The following DMD variants were observed in gnomAD, a reference collection of about 807,000 sequenced individuals.
DMD encodes dystrophin, also known as mutant dystrophin.
In DMD, 63 loss-of-function variants were observed where a neutral mutation model predicts 330.1. The observed-to-expected ratio is 0.19, with a 90% confidence interval of 0.16 to 0.24. DMD has a LOEUF of 0.24. Ranked by LOEUF, DMD falls within the 10% of genes least tolerant of loss-of-function variation. The pLI, the probability that DMD is intolerant of heterozygous loss-of-function variation, is 1.00. For synonymous variants in DMD, 1,223 were observed against 959.8 expected (o/e 1.27, Z -5.07); for missense variants, 3,344 against 2,684.1 (o/e 1.25, Z -5.43).
intron 42 of DMD, among the ~76,000 whole-genome samples, chrX:32,294,032 A>T (rs1355871593): frequency 8.9e-6 from 1 of 111,941 alleles, no homozygotes; most frequent in Non-Finnish European, 1.9e-5. Context: ...TGATTAGGTC[A>T]GGTACCAGAA....
At chrX:32,536,758 T>A (rs978820677) in intron 17 of DMD, among the ~76,000 whole-genome samples, 1 of 111,931 alleles carries the variant, frequency 8.9e-6, no homozygotes, top group African/African-American at 3.2e-5. Context: ...CACTGGTATT[T>A]TTTTTAAAAA....
chrX:32,760,348 T>C (rs1433502420), intron 7 of DMD, among the ~76,000 whole-genome samples: 4 of 112,104 alleles, frequency 3.6e-5, no homozygotes, highest in African/African-American at 9.7e-5. Context: ...TAGTACCTCA[T>C]GATAAATGTT....
At chrX:32,822,560 TTATA>T (rs1311218880) in intron 5 of DMD, among the ~76,000 whole-genome samples, 2 of 110,663 alleles carry the variant, frequency 1.8e-5, no homozygotes, top group African/African-American at 6.6e-5. Flanking sequence ...CATGTTGGTC[TTATA>T]TATACATATA....
intron 2 of DMD, among the ~76,000 whole-genome samples, chrX:33,008,927 T>TATATATAC (rs2093474520): frequency 1.3e-5 from 1 of 74,861 alleles, no homozygotes; most frequent in East Asian, 6.2e-4. Context: ...TATATATACA[T>TATATATAC]GTATATATAC....
At chrX:32,682,166 C>G (rs2062473472) in intron 9 of DMD, among the ~76,000 whole-genome samples, 1 of 111,792 alleles carries the variant, frequency 8.9e-6, no homozygotes, top group African/African-American at 3.3e-5. Context: ...TCTACTTACT[C>G]AGTTTGTAAA....
intron 30 of DMD, among the ~76,000 whole-genome samples, chrX:32,405,652 T>C (rs2098113199): frequency 8.9e-6 from 1 of 111,902 alleles, no homozygotes; most frequent in African/African-American, 3.2e-5. Context: ...TTGGTTACTG[T>C]AGCCTTGTAG....
chrX:31,358,180 C>G (rs2148560513), intron 60 of DMD, among the ~76,000 whole-genome samples: 1 of 108,955 alleles, frequency 9.2e-6, no homozygotes, highest in Admixed American at 9.9e-5. Flanking sequence ...GCTCATAAGA[C>G]TTTCCTGAAC....
At chrX:33,074,561 T>G (rs1048948431) in intron 1 of DMD, among the ~76,000 whole-genome samples, 1 of 111,150 alleles carries the variant, frequency 9.0e-6, no homozygotes, top group Non-Finnish European at 1.9e-5. Flanking sequence ...TAAGAGGCAC[T>G]TGGATCATGA....
intron 43 of DMD, among the ~76,000 whole-genome samples, chrX:32,249,767 T>C (rs149350511): frequency 7.7e-4 from 86 of 111,551 alleles, no homozygotes; most frequent in Middle Eastern, 4.6e-3. Context: ...AAGTGGCTTT[T>C]ATTTCTTTCT....
At chrX:31,690,513 G>A (rs918921776) in intron 52 of DMD, among the ~76,000 whole-genome samples, 2 of 112,115 alleles carry the variant, frequency 1.8e-5, no homozygotes, top group African/African-American at 6.5e-5. Context: ...ACTTTACACT[G>A]TTAGTGAGAC....
intron 44 of DMD, among the ~76,000 whole-genome samples, chrX:32,181,508 T>A (rs1434100253): frequency 1.8e-5 from 2 of 111,965 alleles, no homozygotes; most frequent in Non-Finnish European, 3.8e-5. Flanking sequence ...TTTCAGTTGC[T>A]TAAGTGGAAA....
intron 76 of DMD, among the ~76,000 whole-genome samples, chrX:31,138,815 C>A (rs1056518124): frequency 4.5e-5 from 5 of 111,229 alleles, no homozygotes; most frequent in African/African-American, 9.9e-5. Context: ...TCCCCTGACA[C>A]GTGGGGATTA....
At chrX:31,966,061 A>G (rs1202290736) in intron 45 of DMD, among the ~76,000 whole-genome samples, 3 of 111,634 alleles carry the variant, frequency 2.7e-5, no homozygotes, top group African/African-American at 9.7e-5. Context: ...AATGTTAAAT[A>G]TTTCTAACCG....
intron 52 of DMD, among the ~76,000 whole-genome samples, chrX:31,690,997 T>C (rs1041883085): frequency 9.1e-6 from 1 of 110,168 alleles, no homozygotes; most frequent in South Asian, 4.0e-4. Flanking sequence ...AGGGATAGCA[T>C]TGGGAGATAT....
chrX:33,003,243 G>A (rs66770735), intron 2 of DMD, among the ~76,000 whole-genome samples: 18,292 of 110,821 alleles, frequency 0.17, 2,053 homozygotes, highest in African/African-American at 0.4. Context: ...GAGAACATAC[G>A]GTGTTTGGTT....
chrX:32,720,432 A>G (rs1174742821), intron 7 of DMD, among the ~76,000 whole-genome samples: 1 of 112,037 alleles, frequency 8.9e-6, no homozygotes, highest in African/African-American at 3.2e-5. Flanking sequence ...TCACATCCAA[A>G]TGAGCAAATT....
chrX:31,709,364 C>T (rs904611730), intron 52 of DMD, among the ~76,000 whole-genome samples: 6 of 111,630 alleles, frequency 5.4e-5, no homozygotes, highest in Admixed American at 1.9e-4. Flanking sequence ...GGGTCTTTAA[C>T]GAAGCTGTAC....
rs375731952 is a variant in DMD at position 33,139,933 on chromosome X, T to C, written c.31+71349A>G. 3.0e-4 allele frequency among the ~76,000 whole-genome samples: 29 copies of C among 95,141 alleles called. 1 individual carries two copies. In the South Asian group the frequency reaches 5.4e-3, roughly 18 times the overall value. The allele number at this position is 95,141 out of a possible 115,157, so 82.6% of individuals were successfully genotyped here. On this transcript the variant is annotated intron_variant, in intron 1 of 78. Coordinates refer to ENST00000357033, the MANE Select transcript of DMD (RefSeq NM_004006.3). ...AGTTGGAAAGTGAACATTAGGGAAATACATATTTTGTATAAATAAATCCTT... is the reference window on the plus strand; with the variant it reads ...AGTTGGAAAGTGAACATTAGGGAAACACATATTTTGTATAAATAAATCCTT...
intron 1 of DMD, among the ~76,000 whole-genome samples, chrX:33,054,279 C>G (rs73452026): frequency 0.017 from 1,890 of 111,887 alleles, 43 homozygotes; most frequent in African/African-American, 0.058. Context: ...AATTATGTCT[C>G]TATACACATA....
Sources: allele counts gnomAD v4.1 joint callset (sites outside exome capture counted in the v4.1 genomes callset), GRCh38; gene constraint gnomAD v4.1.1; transcripts MANE v1.5; gene names NCBI Gene and HGNC (gene_info 2026-07-23, HGNC 2026-07-21).